Variants in CEP63 observed in about 807,000 individuals in gnomAD.
CEP63 encodes the protein centrosomal protein of 63 kDa.
In CEP63, 84 loss-of-function variants were observed where a neutral mutation model predicts 89.1. That is an observed-to-expected ratio of 0.94 (90% CI 0.79 to 1.13). The LOEUF (loss-of-function observed/expected upper bound fraction) is 1.13. Ranked by LOEUF, CEP63 falls within the 50% of genes most tolerant of loss-of-function variation. The pLI is 0.00. For synonymous variants in CEP63, 267 were observed against 272.5 expected, an observed-to-expected ratio of 0.98 and a Z score of 0.20; for missense variants, 838 against 813.3, an observed-to-expected ratio of 1.03 and a Z score of -0.37.
chr3:134,685,826 C>T, the CEP63 span, among the ~76,000 whole-genome samples: 5 of 152,192 alleles, frequency 3.3e-5, no homozygotes, highest in Admixed American at 6.5e-5. Flanking sequence ...AACAGGAGCT[C>T]GTCAGATCCA....
chr3:134,586,114 G>A (rs990778949), intron 10 of CEP63, among the ~76,000 whole-genome samples: 3 of 151,878 alleles, frequency 2.0e-5, no homozygotes, highest in Non-Finnish European at 2.9e-5. Flanking sequence ...TGGATCTCCT[G>A]AATACAGCAC....
intron 8 of CEP63, 70 bp from the exon 9 acceptor site, chr3:134,547,265 C>A: frequency 7.0e-7 from 1 of 1,437,040 alleles, no homozygotes; most frequent in Non-Finnish European, 9.8e-7. Flanking sequence ...TGGGGAAACA[C>A]AGACTAGATG....
chr3:134,510,226 T>G (rs1009505539), intron 3 of CEP63, among the ~76,000 whole-genome samples: 1 of 152,262 alleles, frequency 6.6e-6, no homozygotes, highest in Non-Finnish European at 1.5e-5. Flanking sequence ...GAGCTGTAGC[T>G]GTTGAAGTCA....
At chr3:134,748,045 A>C in the CEP63 span, among the ~76,000 whole-genome samples, 1 of 152,124 alleles carries the variant, frequency 6.6e-6, no homozygotes, top group Non-Finnish European at 1.5e-5. Context: ...CGGCCTTCCA[A>C]AGTGCTGGGA....
chr3:134,546,203 C>G lies in CEP63; in HGVS notation c.844C>G (p.Leu282Val). 3 of 1,613,872 alleles carry G rather than the reference C, an allele frequency of 1.9e-6. No individual in the cohort carries two copies. Among genetic ancestry groups the G allele is most frequent in the Non-Finnish European group, 2.5e-6 (3 of 1,179,896 alleles). ...LKAALQSQEN[L>V]IHEARIQKEK... ...GGCAGCTCTTCAGTCTCAAGAAAAT[C>G]TCATACATGAGGCCAGAATACAAAA... Residue 282 changes from leucine (L) to valine (V), a missense_variant, in exon 8 of 15, where the codon CTC becomes GTC. Physicochemically the swap from Leu to Val is conservative, Grantham distance 32. Transcript: ENST00000675561.
At chr3:134,609,310 T>G in the CEP63 span, among the ~76,000 whole-genome samples, 1 of 152,052 alleles carries the variant, frequency 6.6e-6, no homozygotes, top group African/African-American at 2.4e-5. Context: ...TCTCTGGATG[T>G]CAGTAATGGG....
chr3:134,614,011 A>T, the CEP63 span, among the ~76,000 whole-genome samples: 1 of 152,236 alleles, frequency 6.6e-6, no homozygotes, highest in African/African-American at 2.4e-5. Flanking sequence ...ACATAAAAAA[A>T]TATCATATCC....
At chr3:134,662,540 C>T in the CEP63 span, among the ~76,000 whole-genome samples, 5 of 152,188 alleles carry the variant, frequency 3.3e-5, no homozygotes, top group Non-Finnish European at 7.3e-5. Flanking sequence ...CCTTCACAAT[C>T]TTAATCATCC....
the CEP63 span, among the ~76,000 whole-genome samples, chr3:134,767,369 A>T: frequency 6.6e-6 from 1 of 152,178 alleles, no homozygotes; most frequent in African/African-American, 2.4e-5. Flanking sequence ...CAATTGGTTA[A>T]TATTATAGAC....
the CEP63 span, among the ~76,000 whole-genome samples, chr3:134,729,817 A>T: frequency 6.6e-6 from 1 of 152,198 alleles, no homozygotes; most frequent in African/African-American, 2.4e-5. Flanking sequence ...AGCTGTACTG[A>T]AGGGGCAGGG....
intron 3 of CEP63, 51 bp from the exon 4 acceptor site, chr3:134,531,794 A>T (rs1045862360): frequency 8.2e-7 from 1 of 1,220,012 alleles, no homozygotes; most frequent in Admixed American, 1.7e-5. Context: ...TATCTCAGGG[A>T]TGTTATTTCA....
chr3:134,672,872 G>T, the CEP63 span, among the ~76,000 whole-genome samples: 1 of 152,214 alleles, frequency 6.6e-6, no homozygotes, highest in East Asian at 1.9e-4. Context: ...CCACAGCACA[G>T]CAGAGTGAGT....
chr3:134,674,152 A>C, the CEP63 span, among the ~76,000 whole-genome samples: 1 of 152,238 alleles, frequency 6.6e-6, no homozygotes, highest in Non-Finnish European at 1.5e-5. Flanking sequence ...TTCCAGCTGT[A>C]GAAAGTCATC....
chr3:134,752,534 G>T, the CEP63 span, among the ~76,000 whole-genome samples: 4 of 152,096 alleles, frequency 2.6e-5, no homozygotes, highest in Non-Finnish European at 5.9e-5. Context: ...TCCTCCTGCA[G>T]GAAATTACCA....
the CEP63 span, among the ~76,000 whole-genome samples, chr3:134,657,040 T>A: frequency 6.6e-6 from 1 of 152,196 alleles, no homozygotes; most frequent in South Asian, 2.1e-4. Flanking sequence ...GGTGTGTTAG[T>A]CTGTTTTTAT....
chr3:134,505,163 T>C (rs1196057857), intron 2 of CEP63, among the ~76,000 whole-genome samples: 1 of 152,214 alleles, frequency 6.6e-6, no homozygotes, highest in Non-Finnish European at 1.5e-5. Flanking sequence ...TCCTTTGAGG[T>C]GTCCTTTTTC....
chr3:134,723,124 GTTC>G, the CEP63 span, among the ~76,000 whole-genome samples: 3 of 152,174 alleles, frequency 2.0e-5, no homozygotes, highest in African/African-American at 7.2e-5. Context: ...TCTGTCATCT[GTTC>G]TTCTTCAGAG....
chr3:134,554,634 T>A (rs1450113910), intron 12 of CEP63, among the ~76,000 whole-genome samples: 2 of 151,558 alleles, frequency 1.3e-5, no homozygotes, highest in Non-Finnish European at 3.0e-5. Flanking sequence ...GTATTTCTAG[T>A]TCTAGATCCC....
At chr3:134,580,060 T>C (rs1958307832) in intron 10 of CEP63, among the ~76,000 whole-genome samples, 1 of 152,142 alleles carries the variant, frequency 6.6e-6, no homozygotes, top group Non-Finnish European at 1.5e-5. Context: ...CTGGGCATGA[T>C]GGTGGGTGCC....
Sources: gnomAD v4.1 joint callset for allele counts (sites outside exome capture counted in the v4.1 genomes callset) on GRCh38, gnomAD v4.1.1 for gene constraint, MANE v1.5 for transcripts, NCBI Gene and HGNC (gene_info 2026-07-23, HGNC 2026-07-21) for gene names.